Variants in TBC1D5 observed in about 807,000 individuals in gnomAD.
The protein encoded by TBC1D5 is TBC1 domain family member 5.
In TBC1D5, 75 loss-of-function variants were observed where a neutral mutation model predicts 100.3. The observed-to-expected ratio is 0.75, with a 90% CI of 0.62 to 0.91. TBC1D5 has a LOEUF of 0.91. TBC1D5 is among the 40% of genes least tolerant of loss of function. The probability of loss-of-function intolerance (pLI) is 0.00; values close to 1 mark genes in which losing one functional copy is unlikely to be tolerated. For synonymous variants in TBC1D5, 323 were observed against 325.6 expected (o/e 0.99, Z 0.09); for missense variants, 910 against 942.4 (o/e 0.97, Z 0.45).
intron 8 of TBC1D5, among the ~76,000 whole-genome samples, chr3:17,398,018 T>C (rs11720653): frequency 0.26 from 39,435 of 152,092 alleles, 5,484 homozygotes; most frequent in Non-Finnish European, 0.32. Flanking sequence ...TAGACCTTGA[T>C]AGACCAAATA....
At chr3:17,502,347 A>C (rs1289154845) in intron 3 of TBC1D5, among the ~76,000 whole-genome samples, 2 of 149,702 alleles carry the variant, frequency 1.3e-5, no homozygotes, top group South Asian at 4.2e-4. Context: ...TAACTTCAGT[A>C]ATCTCTGGCA....
At chr3:17,500,398 A>G (rs2095770909) in intron 3 of TBC1D5, among the ~76,000 whole-genome samples, 1 of 149,698 alleles carries the variant, frequency 6.7e-6, no homozygotes, top group Non-Finnish European at 1.5e-5. Flanking sequence ...ATCTAACATT[A>G]AAGCGTAAGA....
intron 1 of TBC1D5, among the ~76,000 whole-genome samples, chr3:17,693,862 C>A (rs951524564): frequency 2.0e-5 from 3 of 152,104 alleles, no homozygotes; most frequent in Non-Finnish European, 4.4e-5. Context: ...AGCGGGTGCC[C>A]CTCTGGGACG....
intron 2 of TBC1D5, among the ~76,000 whole-genome samples, chr3:17,607,806 T>C (rs1016791160): frequency 2.6e-5 from 4 of 152,300 alleles, no homozygotes; most frequent in Admixed American, 2.0e-4. Flanking sequence ...AGGTTTTCTG[T>C]TATTAAAACA....
intron 1 of TBC1D5, among the ~76,000 whole-genome samples, chr3:17,693,888 G>C (rs549700046): frequency 2.6e-5 from 4 of 152,294 alleles, no homozygotes; most frequent in African/African-American, 4.8e-5. Context: ...TCCAGAGGAA[G>C]GATCAGGCAG....
At chr3:17,661,623 C>T (rs1018021853) in intron 1 of TBC1D5, among the ~76,000 whole-genome samples, 4 of 151,898 alleles carry the variant, frequency 2.6e-5, no homozygotes, top group Admixed American at 6.6e-5. Flanking sequence ...GCCTCAGCCT[C>T]CTGAGTAGCA....
At chr3:17,649,792 G>C (rs1426003810) in intron 1 of TBC1D5, among the ~76,000 whole-genome samples, 1 of 152,100 alleles carries the variant, frequency 6.6e-6, no homozygotes. Context: ...CCCATTACTG[G>C]ATATATACCC....
chr3:17,334,777 T>A (rs528461762), intron 13 of TBC1D5, among the ~76,000 whole-genome samples: 39 of 152,290 alleles, frequency 2.6e-4, no homozygotes, highest in African/African-American at 8.7e-4. Flanking sequence ...AATTTCTGGA[T>A]AAGCCGTTTT....
chr3:17,448,556 T>C (rs2094851797), intron 3 of TBC1D5, among the ~76,000 whole-genome samples: 1 of 152,242 alleles, frequency 6.6e-6, no homozygotes, highest in Admixed American at 6.5e-5. Flanking sequence ...GCAGAATGGA[T>C]GCCGTGTTGG....
At position 17,225,176 on chromosome 3, in the gene TBC1D5, C is replaced by T. The variant is rs551272402; in HGVS notation, c.1589-10806G>A. ...ATAACAGGCCGGACGCGGTGGCTCACGCCTGTAATCCCAGCACTTTGGGAG... is the reference window on the plus strand; with the variant it reads ...ATAACAGGCCGGACGCGGTGGCTCATGCCTGTAATCCCAGCACTTTGGGAG... On this transcript the variant is annotated intron_variant, in intron 17 of 21. Coordinates refer to ENST00000253692, the Ensembl canonical transcript of TBC1D5. Among the ~76,000 whole-genome samples, 4 of 152,212 alleles carry T rather than the reference C, an allele frequency of 2.6e-5. 1 individual carries two copies. The highest frequency in any genetic ancestry group is 9.6e-5 in the African/African-American group (4 of 41,528).
At chr3:17,378,436 G>T (rs1414529966) in intron 9 of TBC1D5, among the ~76,000 whole-genome samples, 2 of 151,760 alleles carry the variant, frequency 1.3e-5, no homozygotes, top group African/African-American at 4.8e-5. Context: ...CAGTTAAATT[G>T]TTATAGTTTA....
intron 13 of TBC1D5, among the ~76,000 whole-genome samples, chr3:17,366,472 GA>G (rs1308273554): frequency 2.6e-5 from 4 of 151,982 alleles, no homozygotes; most frequent in African/African-American, 9.7e-5. Flanking sequence ...TGTATAAGGG[GA>G]AAAACTCCTA....
intron 4 of TBC1D5, among the ~76,000 whole-genome samples, chr3:17,415,702 G>T (rs1243980017): frequency 6.6e-6 from 1 of 152,084 alleles, no homozygotes. Context: ...CTGGCATTTA[G>T]AAATGAAGTG....
intron 1 of TBC1D5, among the ~76,000 whole-genome samples, chr3:17,694,375 GAACA>G (rs751644748): frequency 7.6e-4 from 115 of 152,298 alleles, no homozygotes; most frequent in Middle Eastern, 3.4e-3. Flanking sequence ...TGGCTAACTA[GAACA>G]AACAGTGTAG....
chr3:17,473,328 A>G (rs139002311), intron 3 of TBC1D5, among the ~76,000 whole-genome samples: 2 of 152,306 alleles, frequency 1.3e-5, no homozygotes, highest in East Asian at 3.9e-4. Context: ...ATCTTGAGCA[A>G]TTTCATGTCC....
intron 18 of TBC1D5, among the ~76,000 whole-genome samples, chr3:17,212,811 T>A (rs1182601118): frequency 6.6e-6 from 1 of 152,126 alleles, no homozygotes; most frequent in Non-Finnish European, 1.5e-5. Context: ...ATCAAATGCG[T>A]TTGTTTTGAG....
Position 17,195,093 on chromosome 3 carries a change from T to C in TBC1D5, c.1753-9885A>G, listed in dbSNP as rs186409887. Among the ~76,000 whole-genome samples the C allele has an allele frequency of 1.5e-3, 234 of 152,316 alleles. 2 individuals are homozygous for C. Among genetic ancestry groups the C allele is most frequent in the African/African-American group, 5.1e-3 (214 of 41,562 alleles). On this transcript the variant is annotated intron_variant, in intron 18 of 21. Transcript: ENST00000253692. The stretch of plus-strand genomic sequence containing the variant: ...GCAGTTTAAAATAATTATATGCATA[T>C]GGTATGTCTTCTTAGCCCTGTAAAA...
chr3:17,345,828 C>G (rs562393774), intron 13 of TBC1D5, among the ~76,000 whole-genome samples: 1 of 152,030 alleles, frequency 6.6e-6, no homozygotes, highest in Non-Finnish European at 1.5e-5. Context: ...GGACAAAATA[C>G]CAAACACCCC....
intron 21 of TBC1D5, among the ~76,000 whole-genome samples, chr3:17,166,524 A>G (rs1239698987): frequency 6.6e-6 from 1 of 152,188 alleles, no homozygotes; most frequent in Admixed American, 6.5e-5. Context: ...ACTGCTGCAC[A>G]CGGGTTTGTA....
Sources: allele counts gnomAD v4.1 joint callset (sites outside exome capture counted in the v4.1 genomes callset), GRCh38; gene constraint gnomAD v4.1.1; transcripts MANE v1.5; gene names NCBI Gene and HGNC (gene_info 2026-07-23, HGNC 2026-07-21).